The following MATR3 variants were observed in gnomAD, a reference collection of about 807,000 sequenced individuals.
The protein encoded by MATR3 is matrin-3.
MATR3 carries 4 observed loss-of-function variants against 85.5 expected under a neutral mutation model. The ratio of observed to expected loss-of-function variants is 0.05; its 90% CI spans 0.02 to 0.11. MATR3 has a LOEUF of 0.11. Among genes scored for constraint, MATR3 ranks in the 10% least tolerant of loss-of-function variants. MATR3 has a pLI of 1.00. For synonymous variants in MATR3, 336 were observed against 343.1 expected, an observed-to-expected ratio of 0.98 and a Z score of 0.23; for missense variants, 685 against 1,016.1, an observed-to-expected ratio of 0.67 and a Z score of 4.43.
intron 12 of MATR3, 149 bp downstream of exon 12, chr5:139,323,116 A>C: frequency 1.2e-6 from 1 of 838,434 alleles, no homozygotes; most frequent in Non-Finnish European, 1.8e-6. Flanking sequence ...TTTAAATCTA[A>C]ACTCTGCAAT....
Position 139,331,565 on chromosome 5 carries a change from T to A in MATR3, c.*2170T>A. 1 of 454,152 alleles carries A rather than the reference T, an allele frequency of 2.2e-6. No homozygotes were observed. The highest frequency in any genetic ancestry group is 1.6e-5 in the South Asian group (1 of 64,480). 28.1% of individuals were successfully genotyped at this position (454,152 alleles called of 1,614,324 possible). On this transcript the variant is annotated 3_prime_UTR_variant, in exon 15 of 15. Transcript: ENST00000394805. ...AAAACCTCTTTTTAGTAGGAATGTT[T>A]CCACTCATGTTTGCTGTAAAGTTTA...
chr5:139,325,743 T>C, intron 13 of MATR3, 81 bp downstream of exon 13: 2 of 1,246,116 alleles, frequency 1.6e-6, no homozygotes, highest in Non-Finnish European at 2.3e-6. Flanking sequence ...ATTTTAAAGT[T>C]GGTCTTACAT....
chr5:139,307,608 A>C lies in MATR3; in HGVS notation c.193A>C (p.Asn65His), dbSNP rs760566538. ...LMNLGMSSSL[N>H]QQGAHSALSS... Reference sequence around the variant, plus strand: ...GAATCTTGGAATGAGTTCTTCATTGAATCAACAAGGAGCTCATAGTGCACT... The same window carrying C: ...GAATCTTGGAATGAGTTCTTCATTGCATCAACAAGGAGCTCATAGTGCACT... Residue 65 changes from asparagine to histidine, a missense_variant, in exon 2 of 15, where the codon AAT (asparagine) becomes CAT (histidine). Around this residue, in one of 9 missense-constraint regions of MATR3, gnomAD observed 57 missense variants for 68.6 expected, o/e 0.83. Coordinates refer to ENST00000394805, the MANE Select transcript of MATR3 (RefSeq NM_018834.6). This position sits in a 1 kb window ranked among gnomAD's most constrained non-coding sequence, Gnocchi z 4.4. The C allele has an allele frequency of 4.3e-6, 7 of 1,614,066 alleles. No individual in the cohort carries two copies. Among genetic ancestry groups the C allele is most frequent in the Non-Finnish European group, 8.5e-7 (1 of 1,180,040 alleles).
At chr5:139,300,314 A>C (rs983981545) in intron 1 of MATR3, among the ~76,000 whole-genome samples, 5 of 152,136 alleles carry the variant, frequency 3.3e-5, no homozygotes, top group African/African-American at 1.2e-4. Context: ...GCAGTGAGCC[A>C]AGATCACGCC....
intron 2 of MATR3, 80 bp downstream of exon 2, chr5:139,308,407 A>G: frequency 2.0e-6 from 3 of 1,517,110 alleles, no homozygotes; most frequent in Non-Finnish European, 2.7e-6. Context: ...CTAATTCTGT[A>G]GTCTGATGAC....
intron 2 of MATR3, chr5:139,312,538 T>A (rs936693968): frequency 1.3e-5 from 2 of 152,262 alleles, no homozygotes; most frequent in African/African-American, 2.4e-5. Context: ...GCCATTATTT[T>A]AAAAAGATAA....
rs772632850 is a variant in MATR3, at chr5:139,330,648, C to A, written c.*1253C>A. On this transcript the variant is annotated 3_prime_UTR_variant, in exon 15 of 15. Coordinates refer to ENST00000394805, the MANE Select transcript of MATR3 (RefSeq NM_018834.6). ...TTAAAAACCTTATGAATTAAAAATG[C>A]TACAGGTGAACAAACAGAAGCTTAT... The A allele has an allele frequency of 1.5e-5, 7 of 453,936 alleles. No individual in the cohort carries two copies. Among genetic ancestry groups the A allele is most frequent in the Non-Finnish European group, 3.1e-5 (7 of 226,796 alleles). 28.1% of individuals were successfully genotyped at this position (453,936 alleles called of 1,614,324 possible). A position where few individuals can be genotyped will look rare whatever the true frequency, so the allele number is the denominator to read the frequency against.
chr5:139,286,321 T>C (rs1012861631), intron 3 of MATR3, among the ~76,000 whole-genome samples: 4 of 151,994 alleles, frequency 2.6e-5, no homozygotes, highest in African/African-American at 4.8e-5. Context: ...TGCAAGATCA[T>C]AGGCAATCTT....
chr5:139,308,277 G>A lies in MATR3; in HGVS notation c.862G>A (p.Gly288Ser). 1 of 1,614,004 alleles carries A rather than the reference G, an allele frequency of 6.2e-7. No homozygotes were observed. The highest frequency in any genetic ancestry group is 8.5e-7 in the Non-Finnish European group (1 of 1,179,978). Residue 288 changes from glycine (G) to serine (S), a missense_variant, in exon 2 of 15, where the codon GGT (glycine) becomes AGT (serine). Transcript: ENST00000394805. The stretch of plus-strand genomic sequence containing the variant: ...AGACTTCCATGGACTCTTACCGAAG[G>A]GTTATCCCCATCTGTGCTCTATATG... The part of the protein sequence containing the change: ...IEDFHGLLPK[G>S]YPHLCSICDL...
intron 1 of MATR3, among the ~76,000 whole-genome samples, chr5:139,298,981 AT>A (rs1754302166): frequency 6.6e-6 from 1 of 152,258 alleles, no homozygotes; most frequent in Non-Finnish European, 1.5e-5. Context: ...AGAACAGTAC[AT>A]TTTAAGTCAA....
chr5:139,316,514 G>A (rs1251081574), intron 5 of MATR3, among the ~76,000 whole-genome samples: 6 of 152,236 alleles, frequency 3.9e-5, no homozygotes, highest in African/African-American at 9.6e-5. Flanking sequence ...CAAAGTGCTA[G>A]GATTGCAGGT....
chr5:139,331,491 T>C lies in MATR3; in HGVS notation c.*2096T>C, dbSNP rs1332484098. ...TTTGAGAGCATTTAGAAATCAGAAA[T>C]TATAATAAGCTGTTAGTGATAAATC... On this transcript the variant is annotated 3_prime_UTR_variant, in exon 15 of 15. Transcript: ENST00000394805. 2.2e-6 allele frequency: 1 copy of C among 454,110 alleles called. No individual in the cohort carries two copies. The highest frequency in any genetic ancestry group is 4.4e-6 in the Non-Finnish European group (1 of 226,780). The allele number at this position is 454,110 out of a possible 1,614,324, so 28.1% of individuals were successfully genotyped here. A position where few individuals can be genotyped will look rare whatever the true frequency, so the allele number is the denominator to read the frequency against.
rs764290381 is a variant in MATR3 at position 139,330,072 on chromosome 5, C to G, written c.*677C>G. ...TGAAATGCAAAAATATTCCCGTTAT[C>G]TTTGACCAGTATTAATTTTTGAGAT... On this transcript the variant is annotated 3_prime_UTR_variant, in exon 15 of 15. Coordinates refer to ENST00000394805, the MANE Select transcript of MATR3 (RefSeq NM_018834.6). 1.5e-4 allele frequency: 66 copies of G among 454,448 alleles called. No individual in the cohort carries two copies. The highest frequency in any genetic ancestry group is 3.1e-4 in the Admixed American group (13 of 42,554). The allele number at this position is 454,448 out of a possible 1,614,324, so 28.2% of individuals were successfully genotyped here.
chr5:139,319,852 A>C (rs1267082978), intron 9 of MATR3, among the ~76,000 whole-genome samples: 1 of 141,136 alleles, frequency 7.1e-6, no homozygotes, highest in Non-Finnish European at 1.5e-5. Flanking sequence ...CTCAAAAAAA[A>C]AAATTTGCTT....
intron 1 of MATR3, among the ~76,000 whole-genome samples, chr5:139,295,713 A>G (rs917783227): frequency 6.6e-6 from 1 of 152,198 alleles, no homozygotes; most frequent in Non-Finnish European, 1.5e-5. Flanking sequence ...TAGGAGCATC[A>G]CGTAGTTCAA....
chr5:139,275,028 T>A (rs1753217070), intron 1 of MATR3, among the ~76,000 whole-genome samples: 1 of 150,748 alleles, frequency 6.6e-6, no homozygotes, highest in Admixed American at 6.6e-5. Flanking sequence ...CAGGCTGGAG[T>A]GCAGTAGGGC....
chr5:139,330,740 C>T lies in MATR3; in HGVS notation c.*1345C>T. The T allele has an allele frequency of 2.2e-6, 1 of 454,076 alleles. No individual in the cohort carries two copies. Among genetic ancestry groups the T allele is most frequent in the East Asian group, 6.9e-5 (1 of 14,396 alleles). The allele number at this position is 454,076 out of a possible 1,614,324, so 28.1% of individuals were successfully genotyped here. On this transcript the variant is annotated 3_prime_UTR_variant, in exon 15 of 15. Transcript: ENST00000394805. ...TACGGATGAGCAAGAATTAGTTCTG[C>T]AGCTTTTCAAAATAATTACGTAGAG...
rs1234071342 is a variant in MATR3, at chr5:139,307,603, C to T, written c.188C>T (p.Ser63Leu). The T allele has an allele frequency of 3.7e-6, 6 of 1,614,056 alleles. No homozygotes were observed. Among genetic ancestry groups the T allele is most frequent in the African/African-American group, 1.3e-5 (1 of 74,904 alleles). ...ASLMNLGMSS[S>L]LNQQGAHSAL... Reference sequence around the variant, plus strand: ...TTAATGAATCTTGGAATGAGTTCTTCATTGAATCAACAAGGAGCTCATAGT... The same window carrying T: ...TTAATGAATCTTGGAATGAGTTCTTTATTGAATCAACAAGGAGCTCATAGT... The change falls in exon 2 of 15, where the codon TCA becomes TTA. Residue 63 changes from serine to leucine, a missense_variant. By Grantham distance (145) the Ser-to-Leu change is moderately radical (BLOSUM62 -2). Transcript: ENST00000394805. This position sits in a 1 kb window ranked among gnomAD's most constrained non-coding sequence, Gnocchi z 4.4.
In MATR3 at chr5:139,317,122, T is replaced by G. The variant is rs371338948; in HGVS notation, c.1182+17T>G. 19 of 1,612,394 alleles carry G rather than the reference T, an allele frequency of 1.2e-5. No homozygotes were observed. The African/African-American group carries it at 1.5e-4, about 12-fold the overall frequency. On this transcript the variant is annotated intron_variant, in intron 6 of 14. Transcript: ENST00000394805. Reference sequence around the variant, plus strand: ...GGCAGAGTGGTCAGTAATGAAGCTTTTGGTTTTACTGTATTTATGATTTTT... The same window carrying G: ...GGCAGAGTGGTCAGTAATGAAGCTTGTGGTTTTACTGTATTTATGATTTTT...
Sources: allele counts gnomAD v4.1 joint callset (sites outside exome capture counted in the v4.1 genomes callset), GRCh38; gene constraint gnomAD v4.1.1; regional missense constraint gnomAD v4.1.1; non-coding constraint Gnocchi (gnomAD v3.1); transcripts MANE v1.5; gene names NCBI Gene and HGNC (gene_info 2026-07-23, HGNC 2026-07-21).